FGF7: variants seen among roughly 807,000 people sequenced by gnomAD.
FGF7 encodes the protein FGF-7.
FGF7 carries 6 observed loss-of-function variants against 20.5 expected under a neutral mutation model. The observed-to-expected ratio is 0.29, with a 90% CI of 0.16 to 0.58. FGF7 has a LOEUF of 0.58. Ranked by LOEUF, FGF7 falls within the 20% of genes least tolerant of loss-of-function variation. The pLI is 0.90. For synonymous variants in FGF7, 64 were observed against 74.7 expected (o/e 0.86, Z 0.74); for missense variants, 144 against 228.8 (o/e 0.63, Z 2.39).
chr15:49,469,281 T>C (rs1316310993), intron 2 of FGF7, among the ~76,000 whole-genome samples: 1 of 152,202 alleles, frequency 6.6e-6, no homozygotes, highest in Admixed American at 6.5e-5. Flanking sequence ...GAGATAATTA[T>C]ACCACTTATC....
intron 2 of FGF7, among the ~76,000 whole-genome samples, chr15:49,455,790 T>A (rs143512234): frequency 6.6e-6 from 1 of 152,186 alleles, no homozygotes; most frequent in East Asian, 1.9e-4. Flanking sequence ...TAGAAGAAAT[T>A]TTTCAGTTTG....
intron 2 of FGF7, among the ~76,000 whole-genome samples, chr15:49,481,074 TTAAA>T (rs2055900352): frequency 6.6e-6 from 1 of 152,094 alleles, no homozygotes; most frequent in Non-Finnish European, 1.5e-5. Flanking sequence ...AGAAAATATA[TTAAA>T]TAAAGGGAGG....
chr15:49,460,253 G>C (rs888602262), intron 2 of FGF7, among the ~76,000 whole-genome samples: 1 of 152,054 alleles, frequency 6.6e-6, no homozygotes, highest in Non-Finnish European at 1.5e-5. Context: ...CCTAGAAGTA[G>C]GTAAGCTGCA....
intron 2 of FGF7, among the ~76,000 whole-genome samples, chr15:49,459,890 T>G (rs1021173883): frequency 3.9e-5 from 6 of 152,158 alleles, no homozygotes; most frequent in Admixed American, 6.5e-5. Context: ...GTGGAGGTAT[T>G]TACACAATGT....
intron 2 of FGF7, among the ~76,000 whole-genome samples, chr15:49,479,288 A>G (rs2055663021): frequency 6.6e-6 from 1 of 152,098 alleles, no homozygotes; most frequent in East Asian, 1.9e-4. Flanking sequence ...CCATTATGCT[A>G]TCATGGACAT....
chr15:49,427,307 G>T lies in FGF7; in HGVS notation c.286+2724G>T, dbSNP rs371907428. Among the ~76,000 whole-genome samples the T allele has an allele frequency of 1.2e-4, 18 of 152,114 alleles. 1 individual carries two copies. The South Asian group carries it at 3.5e-3, about 30-fold the overall frequency. ...TACATTCCTCAATCATTAATTGAAT[G>T]AATGGACAAATAAATGAATGAAAGA... On this transcript the variant is annotated intron_variant, in intron 2 of 3. Transcript: ENST00000267843.
chr15:49,424,787 G>C (rs1213146229), intron 2 of FGF7: 2 of 402,318 alleles, frequency 5.0e-6, no homozygotes, highest in Non-Finnish European at 8.8e-6. Flanking sequence ...ATTATAGTTG[G>C]ACCTGATAAT....
intron 2 of FGF7, among the ~76,000 whole-genome samples, chr15:49,452,623 T>C (rs2052865202): frequency 6.6e-6 from 1 of 152,160 alleles, no homozygotes; most frequent in African/African-American, 2.4e-5. Context: ...CTTTAGGAAA[T>C]ATAATGAAGA....
intron 2 of FGF7, among the ~76,000 whole-genome samples, chr15:49,474,250 T>C (rs2055044241): frequency 6.6e-6 from 1 of 152,280 alleles, no homozygotes; most frequent in East Asian, 1.9e-4. Flanking sequence ...ATGTAGCTGG[T>C]AAAGAGTCTG....
chr15:49,479,066 A>T (rs190332170), intron 2 of FGF7, among the ~76,000 whole-genome samples: 71 of 152,324 alleles, frequency 4.7e-4, no homozygotes, highest in African/African-American at 1.4e-3. Flanking sequence ...TAAATTCATG[A>T]ATTATTGAAC....
chr15:49,485,333 T>A lies in FGF7; in HGVS notation c.*829T>A, dbSNP rs1328022014. On this transcript the variant is annotated 3_prime_UTR_variant, in exon 4 of 4. Transcript: ENST00000267843. ...TCAAGTAACATAATCTATCTTTGTA[T>A]AATTCATATTTGGGAATATGGCTTT... 6.6e-6 allele frequency: 1 copy of A among 152,464 alleles called. No individual in the cohort carries two copies. 9.4% of individuals were successfully genotyped at this position (152,464 alleles called of 1,614,324 possible). A position where few individuals can be genotyped will look rare whatever the true frequency, so the allele number is the denominator to read the frequency against.
chr15:49,470,403 A>G (rs2054638209), intron 2 of FGF7, among the ~76,000 whole-genome samples: 1 of 152,188 alleles, frequency 6.6e-6, no homozygotes, highest in Non-Finnish European at 1.5e-5. Context: ...TATCTAGTAC[A>G]GCTACAATTT....
intron 2 of FGF7, among the ~76,000 whole-genome samples, chr15:49,441,400 T>C (rs2051629103): frequency 6.6e-6 from 1 of 151,676 alleles, no homozygotes; most frequent in Admixed American, 6.6e-5. Flanking sequence ...AAAACTAATA[T>C]CAACACAAGA....
Position 49,424,364 on chromosome 15 carries a change from T to C in FGF7, c.67T>C (p.Cys23Arg). Residue 23 changes from cysteine (C) to arginine (R), a missense_variant, in exon 2 of 4, where the codon TGT (cysteine) becomes CGT (arginine). Transcript: ENST00000267843. Reference protein sequence around the residue: ...LLYRSCFHIICLVGTISLACN... With the variant: ...LLYRSCFHIIRLVGTISLACN... ...CTACAGATCATGCTTTCACATTATC[T>C]GTCTAGTGGGTACTATATCTTTAGC... is the stretch of plus-strand genomic sequence containing the variant. 6.2e-7 allele frequency: 1 copy of C among 1,613,720 alleles called. No homozygotes were observed. The highest frequency in any genetic ancestry group is 8.5e-7 in the Non-Finnish European group (1 of 1,179,714).
chr15:49,452,587 C>G (rs1440207974), intron 2 of FGF7, among the ~76,000 whole-genome samples: 1 of 152,086 alleles, frequency 6.6e-6, no homozygotes, highest in Non-Finnish European at 1.5e-5. Flanking sequence ...ACTTAAGCAA[C>G]TAAAGAAAGC....
At chr15:49,451,241 C>T (rs1311706730) in intron 2 of FGF7, among the ~76,000 whole-genome samples, 2 of 151,980 alleles carry the variant, frequency 1.3e-5, no homozygotes, top group Non-Finnish European at 2.9e-5. Context: ...CCAATTTCTA[C>T]AGAAAGTGTG....
At chr15:49,453,931 C>T (rs1198351225) in intron 2 of FGF7, among the ~76,000 whole-genome samples, 4 of 152,118 alleles carry the variant, frequency 2.6e-5, no homozygotes, top group Admixed American at 2.6e-4. Flanking sequence ...TCTTCTAGCT[C>T]CCATTTTTAA....
chr15:49,446,428 G>C (rs1007282859), intron 2 of FGF7, among the ~76,000 whole-genome samples: 1 of 151,566 alleles, frequency 6.6e-6, no homozygotes, highest in African/African-American at 2.4e-5. Context: ...GGTAAGTTAC[G>C]ATAGTTGCTA....
chr15:49,433,008 G>A (rs548067859), intron 2 of FGF7, among the ~76,000 whole-genome samples: 38 of 151,268 alleles, frequency 2.5e-4, no homozygotes, highest in Admixed American at 5.3e-4. Flanking sequence ...TTTACTTTTC[G>A]AAAAAGTAGT....
Sources: gnomAD v4.1 joint callset for allele counts (sites outside exome capture counted in the v4.1 genomes callset) on GRCh38, gnomAD v4.1.1 for gene constraint, MANE v1.5 for transcripts, NCBI Gene and HGNC (gene_info 2026-07-23, HGNC 2026-07-21) for gene names.